The following ITPR2 variants were observed in gnomAD, a reference collection of about 807,000 sequenced individuals.
ITPR2 encodes inositol 1,4,5-trisphosphate receptor type 2.
In ITPR2, 207 loss-of-function variants were observed where a neutral mutation model predicts 317.1. That is an observed-to-expected ratio of 0.65 (90% CI 0.58 to 0.73). The LOEUF (loss-of-function observed/expected upper bound fraction) is 0.73, where lower values mean the gene tolerates loss of function less well. ITPR2 is among the 30% of genes least tolerant of loss of function. ITPR2 has a pLI of 0.00. For missense variants in ITPR2, 2,613 were observed against 3,284.0 expected, an observed-to-expected ratio of 0.80 and a Z score of 4.99; for synonymous variants, 1,156 against 1,149.1, an observed-to-expected ratio of 1.01 and a Z score of -0.12.
In ITPR2 at chr12:26,400,141, C is replaced by T. The variant is rs955528897; in HGVS notation, c.7517G>A (p.Arg2506Lys). Residue 2506 changes from arginine (R) to lysine (K), a missense_variant, in exon 53 of 57, where the codon AGG (arginine) becomes AAG (lysine). Transcript: ENST00000381340. ...ACTCTGGCTTACATCTTTCGATGGC[C>T]TTCTTAGCACATCCCCCACACCACC... Reference protein sequence around the residue: ...NGGGVGDVLRRPSKDEPLFAA... With the variant: ...NGGGVGDVLRKPSKDEPLFAA... 27 of 1,609,662 alleles carry T rather than the reference C, an allele frequency of 1.7e-5. No individual in the cohort carries two copies. Among genetic ancestry groups the T allele is most frequent in the Non-Finnish European group, 2.0e-5 (24 of 1,177,466 alleles).
At chr12:26,549,021 C>T (rs1024649920) in intron 37 of ITPR2, among the ~76,000 whole-genome samples, 1 of 152,170 alleles carries the variant, frequency 6.6e-6, no homozygotes, top group Non-Finnish European at 1.5e-5. Context: ...TTGTGAACCT[C>T]GTCCTTTGCC....
intron 43 of ITPR2, 23 bp downstream of exon 43, chr12:26,481,108 C>A (rs772637928): frequency 7.1e-7 from 1 of 1,404,358 alleles, no homozygotes; most frequent in South Asian, 1.2e-5. Context: ...GCTTTTCTGG[C>A]CTGAACAGTG....
At chr12:26,710,106 A>G (rs1348331986) in intron 9 of ITPR2, among the ~76,000 whole-genome samples, 3 of 152,096 alleles carry the variant, frequency 2.0e-5, no homozygotes, top group Non-Finnish European at 2.9e-5. Context: ...TGGTGGTGTG[A>G]ACCTGTAGTC....
chr12:26,776,335 G>A (rs1029725943), intron 2 of ITPR2, among the ~76,000 whole-genome samples: 4 of 152,170 alleles, frequency 2.6e-5, no homozygotes, highest in African/African-American at 9.7e-5. Flanking sequence ...AGTGATGAAA[G>A]AAAATGAGGA....
intron 46 of ITPR2, among the ~76,000 whole-genome samples, chr12:26,440,264 T>C (rs1230821979): frequency 6.6e-6 from 1 of 152,044 alleles, no homozygotes; most frequent in Non-Finnish European, 1.5e-5. Context: ...AACAAAAGTT[T>C]TTTGTTGTTG....
intron 2 of ITPR2, among the ~76,000 whole-genome samples, chr12:26,747,440 T>C (rs951605676): frequency 1.3e-5 from 2 of 152,218 alleles, no homozygotes; most frequent in African/African-American, 4.8e-5. Flanking sequence ...CTACCACTTT[T>C]GTAGGTTTAA....
At chr12:26,810,228 T>C (rs73300529) in intron 1 of ITPR2, among the ~76,000 whole-genome samples, 1,626 of 152,344 alleles carry the variant, frequency 0.011, 29 homozygotes, top group African/African-American at 0.036. Flanking sequence ...ATTCCTTTTT[T>C]AGTTTTCTTA....
chr12:26,661,952 C>A (rs1297343648), intron 15 of ITPR2, among the ~76,000 whole-genome samples: 2 of 152,110 alleles, frequency 1.3e-5, no homozygotes, highest in African/African-American at 4.8e-5. Context: ...TAAAGGAACC[C>A]AATGAAGTCC....
At chr12:26,450,123 G>C (rs1941702780) in intron 45 of ITPR2, among the ~76,000 whole-genome samples, 1 of 152,110 alleles carries the variant, frequency 6.6e-6, no homozygotes, top group Non-Finnish European at 1.5e-5. Flanking sequence ...ACACTGAAAA[G>C]AGGCAAGGAA....
In ITPR2 at chr12:26,718,864, A is replaced by G. The variant is rs548951221; in HGVS notation, c.526-2622T>C. On this transcript the variant is annotated intron_variant, in intron 5 of 56. Coordinates refer to ENST00000381340, the MANE Select transcript of ITPR2 (RefSeq NM_002223.4). ...TAACCTCAGGTGATTCACCTGCCTCAGCCTCCCAAAGGATTACATAGGCGT... is the reference window on the plus strand; with the variant it reads ...TAACCTCAGGTGATTCACCTGCCTCGGCCTCCCAAAGGATTACATAGGCGT... 3.3e-5 allele frequency among the ~76,000 whole-genome samples: 5 copies of G among 152,208 alleles called. No homozygotes were observed. In the South Asian group the frequency reaches 1.0e-3, roughly 32 times the overall value.
chr12:26,411,941 T>G (rs755347463), intron 51 of ITPR2, among the ~76,000 whole-genome samples: 1 of 152,180 alleles, frequency 6.6e-6, no homozygotes, highest in Non-Finnish European at 1.5e-5. Context: ...TCTTCCATAG[T>G]CCCCAGGAAT....
At chr12:26,443,441 T>A (rs1029781345) in intron 46 of ITPR2, 102 bp downstream of exon 46, 56 of 862,858 alleles carry the variant, frequency 6.5e-5, no homozygotes, top group Non-Finnish European at 9.6e-5. Context: ...AACCACTCAC[T>A]TCTGCATCAT....
At chr12:26,740,416 A>G (rs1187139235) in intron 2 of ITPR2, among the ~76,000 whole-genome samples, 1 of 152,236 alleles carries the variant, frequency 6.6e-6, no homozygotes, top group Non-Finnish European at 1.5e-5. Flanking sequence ...TCATTATTCT[A>G]AAAACTGGAA....
intron 13 of ITPR2, among the ~76,000 whole-genome samples, chr12:26,675,950 G>C (rs965648556): frequency 2.0e-5 from 3 of 152,074 alleles, no homozygotes; most frequent in Non-Finnish European, 2.9e-5. Context: ...CTGAGGTCAG[G>C]AGTTCAACAC....
chr12:26,778,359 G>A (rs1950015906), intron 2 of ITPR2, among the ~76,000 whole-genome samples: 1 of 152,248 alleles, frequency 6.6e-6, no homozygotes, highest in African/African-American at 2.4e-5. Flanking sequence ...TATCTGGCCT[G>A]TGCAGAAGAC....
At chr12:26,615,293 T>TA (rs758700648) in intron 26 of ITPR2, among the ~76,000 whole-genome samples, 75 of 151,938 alleles carry the variant, frequency 4.9e-4, no homozygotes, top group African/African-American at 1.6e-3. Flanking sequence ...CAAAGCATGA[T>TA]AAAAAATGAC....
intron 1 of ITPR2, among the ~76,000 whole-genome samples, chr12:26,798,169 T>C (rs544420441): frequency 9.9e-5 from 15 of 152,238 alleles, no homozygotes; most frequent in Non-Finnish European, 1.8e-4. Flanking sequence ...CCCTGGCACG[T>C]CATTCAACTC....
chr12:26,477,257 A>G (rs1188284146), intron 43 of ITPR2, among the ~76,000 whole-genome samples: 1 of 152,158 alleles, frequency 6.6e-6, no homozygotes, highest in Admixed American at 6.5e-5. Flanking sequence ...AAGGTACTTC[A>G]AATGCAAAAG....
Position 26,831,521 on chromosome 12 carries a change from C to T in ITPR2, c.92+1169G>A, listed in dbSNP as rs1339323542. Among the ~76,000 whole-genome samples the T allele has an allele frequency of 2.0e-5, 3 of 151,886 alleles. No individual in the cohort carries two copies. The highest frequency in any genetic ancestry group is 6.6e-5 in the Admixed American group (1 of 15,218). On this transcript the variant is annotated intron_variant, in intron 1 of 56. Transcript: ENST00000381340. This position sits in a 1 kb window ranked among gnomAD's most constrained non-coding sequence, Gnocchi z 4.9. The stretch of plus-strand genomic sequence containing the variant: ...CAGTTCCACAGCCTGAAATGTAGGG[C>T]GGGGGGACCTAAGTGTTGAAACAAC...
Sources: allele counts gnomAD v4.1 joint callset (sites outside exome capture counted in the v4.1 genomes callset), GRCh38; gene constraint gnomAD v4.1.1; non-coding constraint Gnocchi (gnomAD v3.1); transcripts MANE v1.5; gene names NCBI Gene and HGNC (gene_info 2026-07-23, HGNC 2026-07-21).